The following SMTN variants were observed in gnomAD, a reference collection of about 807,000 sequenced individuals.
The protein encoded by SMTN is smoothelin.
SMTN carries 58 observed loss-of-function variants against 102.0 expected under a neutral mutation model. That is an observed-to-expected ratio of 0.57 (90% confidence interval 0.46 to 0.71). The LOEUF is 0.71. Among genes scored for constraint, SMTN ranks in the 30% least tolerant of loss-of-function variants. SMTN has a pLI of 0.00. For missense variants in SMTN, 1,185 were observed against 1,241.7 expected (o/e 0.95, Z 0.69); for synonymous variants, 478 against 497.9 (o/e 0.96, Z 0.53).
upstream of SMTN, among the ~76,000 whole-genome samples, chr22:31,078,910 G>A (rs2042193925): frequency 6.6e-6 from 1 of 152,146 alleles, no homozygotes; most frequent in African/African-American, 2.4e-5. Context: ...AAACAAGTGT[G>A]ACACACAGTT....
At chr22:31,071,680 T>C (rs867310889) in intron 1 of SMTN, among the ~76,000 whole-genome samples, 13 of 145,800 alleles carry the variant, frequency 8.9e-5, no homozygotes, top group East Asian at 6.0e-4. Flanking sequence ...AGCTCTCTCT[T>C]TCTCTCTCTC....
intron 1 of SMTN, 124 bp from the exon 2 acceptor site, chr22:31,083,055 C>A: frequency 6.9e-7 from 1 of 1,442,840 alleles, no homozygotes; most frequent in Non-Finnish European, 9.5e-7. Context: ...CAGCCAGGAG[C>A]CACATTATAG....
chr22:31,089,749 C>A lies in SMTN; in HGVS notation c.522C>A (p.Thr174=), dbSNP rs747483878. 15 of 1,610,134 alleles carry A rather than the reference C, an allele frequency of 9.3e-6. No individual in the cohort carries two copies. The South Asian group carries it at 1.5e-4, about 17-fold the overall frequency. The part of the protein sequence containing the change: ...QEQQAEVSKP[T]PTPEGTSQDV... ...AGCAGGCAGAGGTTTCAAAGCCAAC[C>A]CCCACCCCTGAAGGCACCAGCCAGG... The change falls in exon 7 of 21, where the codon ACC becomes ACA. Residue 174 remains threonine, a synonymous_variant. Coordinates refer to ENST00000333137, the MANE Select transcript of SMTN (RefSeq NM_134269.3).
At chr22:31,076,456 A>G (rs1162041738), upstream of SMTN, among the ~76,000 whole-genome samples, 3 of 152,232 alleles carry the variant, frequency 2.0e-5, no homozygotes, top group Admixed American at 2.0e-4. Flanking sequence ...TGCAGTGTCA[A>G]CTTGGACAAA....
rs1403987530 is a variant in SMTN at position 31,095,742 on chromosome 22, C to A, written c.1861+133C>A. ...CCAGCTTCTCCTTCTCTAGACCCAG[C>A]AGTTCCCTTGGCTATTCCCTGCTGG... is the stretch of plus-strand genomic sequence containing the variant. On this transcript the variant is annotated intron_variant, in intron 13 of 20. Coordinates refer to ENST00000333137, the MANE Select transcript of SMTN (RefSeq NM_134269.3). This position sits in a 1 kb window ranked among gnomAD's most constrained non-coding sequence, Gnocchi z 4.1. 5.4e-6 allele frequency: 4 copies of A among 739,184 alleles called. No individual in the cohort carries two copies. Among genetic ancestry groups the A allele is most frequent in the Non-Finnish European group, 8.8e-6 (4 of 453,270 alleles). The allele number at this position is 739,184 out of a possible 1,614,324, so 45.8% of individuals were successfully genotyped here.
chr22:31,093,388 A>C (rs2043286023), intron 11 of SMTN: 3 of 401,232 alleles, frequency 7.5e-6, no homozygotes. Context: ...ACACTCAGCC[A>C]GAGACAGCAG....
At position 31,098,845 on chromosome 22, in the gene SMTN, G is replaced by A. The variant is rs774096251; in HGVS notation, c.2333+5G>A. 15 of 1,600,090 alleles carry A rather than the reference G, an allele frequency of 9.4e-6. No homozygotes were observed. The highest frequency in any genetic ancestry group is 3.3e-5 in the South Asian group (3 of 90,148). Reference sequence around the variant, plus strand: ...GGAGAAGGAGGGCGCGGCCGGGTGAGCTGCAGAAGTGGGCTGGGCAGTGGG... The same window carrying A: ...GGAGAAGGAGGGCGCGGCCGGGTGAACTGCAGAAGTGGGCTGGGCAGTGGG... On this transcript the variant is annotated splice_donor_5th_base_variant and intron_variant, in intron 17 of 20. Coordinates refer to ENST00000333137, the MANE Select transcript of SMTN (RefSeq NM_134269.3).
intron 6 of SMTN, 22 bp from the exon 7 acceptor site, chr22:31,089,677 G>A (rs1009444893): frequency 1.3e-6 from 2 of 1,580,748 alleles, no homozygotes; most frequent in Admixed American, 1.7e-5. Context: ...AGCCTTGGTT[G>A]CATCCTGTGG....
intron 20 of SMTN, 190 bp downstream of exon 20, chr22:31,101,239 C>G (rs2044065379): frequency 1.7e-6 from 1 of 580,778 alleles, no homozygotes; most frequent in Non-Finnish European, 3.0e-6. Context: ...GCAGTGATGA[C>G]CCAGGTGGGC....
Position 31,098,851 on chromosome 22 carries a change from G to A in SMTN, c.2333+11G>A, listed in dbSNP as rs1256362385. The A allele has an allele frequency of 1.3e-6, 2 of 1,595,540 alleles. No homozygotes were observed. Among genetic ancestry groups the A allele is most frequent in the African/African-American group, 1.3e-5 (1 of 74,842 alleles). On this transcript the variant is annotated intron_variant, in intron 17 of 20. Coordinates refer to ENST00000333137, the MANE Select transcript of SMTN (RefSeq NM_134269.3). ...GGAGGGCGCGGCCGGGTGAGCTGCA[G>A]AAGTGGGCTGGGCAGTGGGGGGCGG...
chr22:31,084,949 G>A (rs1394325718), intron 2 of SMTN: 1 of 1,385,494 alleles, frequency 7.2e-7, no homozygotes, highest in Non-Finnish European at 9.3e-7. Flanking sequence ...CCGCGGGGCC[G>A]GGCCATATAA....
At chr22:31,104,071 G>A in intron 20 of SMTN, 1 of 531,180 alleles carries the variant, frequency 1.9e-6, no homozygotes, top group South Asian at 2.6e-5. Flanking sequence ...CTGCCTGACT[G>A]GGATGGGGCT....
intron 1 of SMTN, among the ~76,000 whole-genome samples, chr22:31,069,315 CG>C (rs1180651602): frequency 1.3e-5 from 2 of 152,072 alleles, no homozygotes; most frequent in African/African-American, 4.8e-5. Context: ...TCAGGCGCCC[CG>C]CTGGGGACTA....
In SMTN at chr22:31,090,170, C is replaced by A. The variant is rs775017312; in HGVS notation, c.855C>A (p.Thr285=). 3.1e-6 allele frequency: 5 copies of A among 1,610,916 alleles called. No homozygotes were observed. In the East Asian group the frequency reaches 8.9e-5, roughly 29 times the overall value. The change falls in exon 8 of 21, where the codon ACC becomes ACA. Residue 285 remains threonine (T), a synonymous_variant. Coordinates refer to ENST00000333137, the MANE Select transcript of SMTN (RefSeq NM_134269.3). ...AQSPTRGPSD[T]KRADVAGPRP... ...GCCCCACCAGAGGCCCCTCTGACACCAAGAGAGCAGGTGAGGGTCCCAGCA... is the reference window on the plus strand; with the variant it reads ...GCCCCACCAGAGGCCCCTCTGACACAAAGAGAGCAGGTGAGGGTCCCAGCA...
chr22:31,104,161 G>A (rs2044311815), intron 20 of SMTN, 155 bp from the exon 21 acceptor site: 4 of 840,184 alleles, frequency 4.8e-6, no homozygotes, highest in Non-Finnish European at 7.3e-6. Context: ...GGTAGATGAA[G>A]CCAGGGGCTT....
At chr22:31,089,328 C>T (rs796969784) in intron 6 of SMTN, among the ~76,000 whole-genome samples, 2 of 152,184 alleles carry the variant, frequency 1.3e-5, no homozygotes, top group Admixed American at 6.5e-5. Context: ...GCTGGGTCCA[C>T]GGTCCTGGCA....
intron 11 of SMTN, among the ~76,000 whole-genome samples, 200 bp downstream of exon 11, chr22:31,092,047 C>CTA: frequency 6.6e-6 from 1 of 152,322 alleles, no homozygotes; most frequent in East Asian, 1.9e-4. Flanking sequence ...ATATCAGTCC[C>CTA]TAAGTGTGTC....
At chr22:31,090,364 C>T (rs1178104841) in intron 8 of SMTN, among the ~76,000 whole-genome samples, 184 bp downstream of exon 8, 1 of 151,760 alleles carries the variant, frequency 6.6e-6, no homozygotes, top group African/African-American at 2.4e-5. Context: ...TCCCCCTCCA[C>T]CCCCATGGCT....
At chr22:31,076,247 C>T (rs1376758720) in intron 1 of SMTN, among the ~76,000 whole-genome samples, 2 of 152,210 alleles carry the variant, frequency 1.3e-5, no homozygotes, top group Non-Finnish European at 2.9e-5. Context: ...CTTCTGCAGC[C>T]TCAGCACTTT....
Sources: gnomAD v4.1 joint callset for allele counts (sites outside exome capture counted in the v4.1 genomes callset) on GRCh38, gnomAD v4.1.1 for gene constraint, Gnocchi (gnomAD v3.1) non-coding constraint, MANE v1.5 for transcripts, NCBI Gene and HGNC (gene_info 2026-07-23, HGNC 2026-07-21) for gene names.